Variants in KCNIP4 observed in about 807,000 individuals in gnomAD.
KCNIP4 encodes the protein Kv channel-interacting protein 4.
KCNIP4 carries 12 observed loss-of-function variants against 34.0 expected under a neutral mutation model. That is an observed-to-expected ratio of 0.35 (90% confidence interval 0.23 to 0.57). The LOEUF is 0.57. Among genes scored for constraint, KCNIP4 ranks in the 20% least tolerant of loss-of-function variants. The probability of loss-of-function intolerance (pLI) is 0.83; values close to 1 mark genes in which losing one functional copy is unlikely to be tolerated. For missense variants in KCNIP4, 238 were observed against 311.7 expected (o/e 0.76, Z 1.78); for synonymous variants, 124 against 102.2 (o/e 1.21, Z -1.29).
At chr4:20,817,733 A>AAT (rs1716597327) in intron 3 of KCNIP4, among the ~76,000 whole-genome samples, 1 of 151,478 alleles carries the variant, frequency 6.6e-6, no homozygotes, top group Non-Finnish European at 1.5e-5. Flanking sequence ...TGACTGAATA[A>AAT]ATATATATAT....
intron 1 of KCNIP4, among the ~76,000 whole-genome samples, chr4:21,247,541 A>C (rs1760300633): frequency 6.9e-6 from 1 of 145,454 alleles, no homozygotes; most frequent in Non-Finnish European, 1.5e-5. Context: ...CATTTACAAG[A>C]AATATGTATA....
chr4:21,289,292 C>T (rs1763297104), intron 1 of KCNIP4, among the ~76,000 whole-genome samples: 1 of 152,048 alleles, frequency 6.6e-6, no homozygotes, highest in Admixed American at 6.6e-5. Context: ...ATTTTTGTTA[C>T]CAACATTCTA....
chr4:21,781,361 CT>C (rs1719564943), intron 1 of KCNIP4, among the ~76,000 whole-genome samples: 1 of 152,260 alleles, frequency 6.6e-6, no homozygotes, highest in Non-Finnish European at 1.5e-5. Flanking sequence ...AACTCCTTCC[CT>C]TTATAAATTA....
intron 1 of KCNIP4, among the ~76,000 whole-genome samples, chr4:21,679,229 C>T (rs1750152794): frequency 6.6e-6 from 1 of 152,106 alleles, no homozygotes. Context: ...CACAGTCTTC[C>T]CAAACCGACT....
intron 1 of KCNIP4, among the ~76,000 whole-genome samples, chr4:21,087,880 A>G (rs772266808): frequency 2.4e-4 from 36 of 152,082 alleles, no homozygotes; most frequent in African/African-American, 8.7e-4. Flanking sequence ...TTATTCCCTC[A>G]GTAGACATTT....
At chr4:21,593,137 G>GTT (rs1294666934) in intron 1 of KCNIP4, among the ~76,000 whole-genome samples, 2 of 151,248 alleles carry the variant, frequency 1.3e-5, no homozygotes, top group East Asian at 3.9e-4. Context: ...GTGTGTGTGT[G>GTT]TGTGTGTGTT....
chr4:20,757,787 A>ATAGG (rs1754606539), intron 4 of KCNIP4, among the ~76,000 whole-genome samples: 1 of 152,178 alleles, frequency 6.6e-6, no homozygotes, highest in African/African-American at 2.4e-5. Context: ...AATGAGGATT[A>ATAGG]TAGGTAGGGT....
chr4:21,101,897 C>T, intron 1 of KCNIP4, among the ~76,000 whole-genome samples: 1 of 152,040 alleles, frequency 6.6e-6, no homozygotes, highest in South Asian at 2.1e-4. Context: ...CTCTAAATGA[C>T]TGACATTAGC....
intron 1 of KCNIP4, among the ~76,000 whole-genome samples, chr4:21,259,920 T>TGCGC (rs1553848066): frequency 1.3e-5 from 2 of 150,078 alleles, no homozygotes; most frequent in African/African-American, 4.9e-5. Context: ...TGTGTGTGTG[T>TGCGC]GCACGTGCGC....
At chr4:21,389,447 C>T (rs570744742) in intron 1 of KCNIP4, among the ~76,000 whole-genome samples, 3 of 97,572 alleles carry the variant, frequency 3.1e-5, no homozygotes, top group African/African-American at 8.2e-5. Context: ...TGATATCCCT[C>T]CCCCCTCCCC....
At chr4:21,880,896 T>G (rs1394647564) in intron 1 of KCNIP4, among the ~76,000 whole-genome samples, 3 of 152,170 alleles carry the variant, frequency 2.0e-5, no homozygotes, top group African/African-American at 7.2e-5. Flanking sequence ...CTTATGTGGA[T>G]TTGTCAAGGG....
intron 1 of KCNIP4, among the ~76,000 whole-genome samples, chr4:21,909,690 C>T (rs1166104410): frequency 6.6e-6 from 1 of 152,026 alleles, no homozygotes; most frequent in Non-Finnish European, 1.5e-5. Context: ...TAAAAACATA[C>T]CTGATACTGG....
intron 1 of KCNIP4, among the ~76,000 whole-genome samples, chr4:20,921,757 T>C (rs1331135227): frequency 6.6e-6 from 1 of 152,206 alleles, no homozygotes; most frequent in Non-Finnish European, 1.5e-5. Context: ...CATTTTATCC[T>C]TTTGAAATAA....
intron 4 of KCNIP4, among the ~76,000 whole-genome samples, chr4:20,753,537 C>T (rs1255855863): frequency 2.0e-5 from 3 of 152,132 alleles, no homozygotes; most frequent in Admixed American, 1.3e-4. Flanking sequence ...TTATCATGCC[C>T]CAGGTTTGTA....
chr4:21,544,066 CTG>C (rs1737932642), intron 1 of KCNIP4, among the ~76,000 whole-genome samples: 1 of 152,128 alleles, frequency 6.6e-6, no homozygotes, highest in Non-Finnish European at 1.5e-5. Context: ...CTTTTAACAT[CTG>C]AGTACTGATC....
At chr4:21,395,536 T>C (rs2109530460) in intron 1 of KCNIP4, among the ~76,000 whole-genome samples, 1 of 152,220 alleles carries the variant, frequency 6.6e-6, no homozygotes, top group Non-Finnish European at 1.5e-5. Flanking sequence ...GGAATAAGCC[T>C]TTTTTCCCCC....
At chr4:21,519,662 A>ACACACG (rs1735270857) in intron 1 of KCNIP4, among the ~76,000 whole-genome samples, 10 of 143,576 alleles carry the variant, frequency 7.0e-5, no homozygotes, top group African/African-American at 1.5e-4. Flanking sequence ...ATGTGTATAT[A>ACACACG]TACACGTGTG....
At chr4:21,117,064 C>G (rs569131821) in intron 1 of KCNIP4, among the ~76,000 whole-genome samples, 7 of 152,014 alleles carry the variant, frequency 4.6e-5, no homozygotes, top group Non-Finnish European at 1.0e-4. Flanking sequence ...CTCTCCAAAC[C>G]CCTTGAGGTA....
chr4:21,643,617 G>A (rs949419865), intron 1 of KCNIP4, among the ~76,000 whole-genome samples: 2 of 152,106 alleles, frequency 1.3e-5, no homozygotes, highest in East Asian at 3.9e-4. Flanking sequence ...GGATTTTGAG[G>A]AAAGCATATT....
Sources: gnomAD v4.1 joint callset for allele counts (sites outside exome capture counted in the v4.1 genomes callset) on GRCh38, gnomAD v4.1.1 for gene constraint, MANE v1.5 for transcripts, NCBI Gene and HGNC (gene_info 2026-07-23, HGNC 2026-07-21) for gene names.